The following EBF3 variants were observed in gnomAD, a reference collection of about 807,000 sequenced individuals.
EBF3 encodes EBF transcription factor 3.
EBF3 carries 18 observed loss-of-function variants against 77.1 expected under a neutral mutation model. The ratio of observed to expected loss-of-function variants is 0.23; its 90% CI spans 0.16 to 0.35. The LOEUF is 0.35. Among genes scored for constraint, EBF3 ranks in the 10% least tolerant of loss-of-function variants. The pLI is 1.00. For missense variants in EBF3, 558 were observed against 860.0 expected (o/e 0.65, Z 4.39); for synonymous variants, 350 against 343.5 (o/e 1.02, Z -0.21).
At chr10:129,948,170 A>C (rs553906572) in intron 6 of EBF3, among the ~76,000 whole-genome samples, 1 of 151,216 alleles carries the variant, frequency 6.6e-6, no homozygotes, top group Non-Finnish European at 1.5e-5. Flanking sequence ...AGGCAGAAGA[A>C]TCACTTGAAC....
chr10:129,848,916 C>A lies in EBF3; in HGVS notation c.1040-436G>T, dbSNP rs1384309174. ...ATCCCTGTGGTCCTTTTTTGTCTAG[C>A]ATATTGCCTGAGCACAAACCAGGCA... On this transcript the variant is annotated intron_variant, in intron 10 of 16. Coordinates refer to ENST00000440978, the MANE Select transcript of EBF3 (RefSeq NM_001375380.1). The surrounding 1 kb of genome is among the most constrained non-coding windows in gnomAD (Gnocchi z 4.4). 3.9e-5 allele frequency among the ~76,000 whole-genome samples: 6 copies of A among 152,178 alleles called. No individual in the cohort carries two copies. Among genetic ancestry groups the A allele is most frequent in the African/African-American group, 1.4e-4 (6 of 41,440 alleles).
chr10:129,861,523 G>C lies in EBF3; in HGVS notation c.1039+5618C>G, dbSNP rs367900863. 6.0e-5 allele frequency among the ~76,000 whole-genome samples: 9 copies of C among 150,926 alleles called. No homozygotes were observed. In the East Asian group the frequency reaches 9.9e-4, roughly 17 times the overall value. On this transcript the variant is annotated intron_variant, in intron 10 of 16. Coordinates refer to ENST00000440978, the MANE Select transcript of EBF3 (RefSeq NM_001375380.1). This position sits in a 1 kb window ranked among gnomAD's most constrained non-coding sequence, Gnocchi z 4.3. ...AGAACCAACCTGATAGAAAAGCAAA[G>C]GTGCCTGGAGGGTGTCTATTCTTGG...
intron 11 of EBF3, among the ~76,000 whole-genome samples, chr10:129,844,558 A>G (rs1850320114): frequency 6.6e-6 from 1 of 152,056 alleles, no homozygotes; most frequent in African/African-American, 2.4e-5. Context: ...CACTCGCCTC[A>G]TTGTTTCCCC....
Position 129,848,270 on chromosome 10 carries a change from G to A in EBF3, c.1128+122C>T. On this transcript the variant is annotated intron_variant, in intron 11 of 16. Transcript: ENST00000440978. The surrounding 1 kb of genome is among the most constrained non-coding windows in gnomAD (Gnocchi z 4.4). ...AGCTCCTCACACCTGTCGGCCCTGT[G>A]GTGGGCACAGAGTTTGGGGAATCTG... 1 of 1,045,786 alleles carries A rather than the reference G, an allele frequency of 9.6e-7. No homozygotes were observed. Among genetic ancestry groups the A allele is most frequent in the Admixed American group, 1.8e-5 (1 of 57,032 alleles). 64.8% of individuals were successfully genotyped at this position (1,045,786 alleles called of 1,614,324 possible).
rs1554892366 is a variant in EBF3 at position 129,841,041 on chromosome 10, A to AACC, written c.1373-10_1373-9insGGT. ...ATTGCGACTGTAGCCGACTGTTGAA[A>AACC]TCCCCCCCCCGGCCAAAAATAACAT... On this transcript the variant is annotated splice_polypyrimidine_tract_variant and intron_variant, in intron 13 of 16. Coordinates refer to ENST00000440978, the MANE Select transcript of EBF3 (RefSeq NM_001375380.1). This position sits in a 1 kb window ranked among gnomAD's most constrained non-coding sequence, Gnocchi z 4.6. The AACC allele has an allele frequency of 5.9e-5, 64 of 1,076,634 alleles. No individual in the cohort carries two copies. Among genetic ancestry groups the AACC allele is most frequent in the South Asian group, 2.3e-4 (14 of 62,170 alleles). The allele number at this position is 1,076,634 out of a possible 1,614,324, so 66.7% of individuals were successfully genotyped here.
chr10:129,852,463 TAG>T (rs1259194545), intron 10 of EBF3, among the ~76,000 whole-genome samples: 1 of 152,168 alleles, frequency 6.6e-6, no homozygotes, highest in African/African-American at 2.4e-5. Context: ...CTGCTGCAAT[TAG>T]AGACGTACCG....
At chr10:129,950,603 C>G (rs1174330115) in intron 6 of EBF3, among the ~76,000 whole-genome samples, 2 of 152,054 alleles carry the variant, frequency 1.3e-5, no homozygotes, top group East Asian at 1.9e-4. Flanking sequence ...CTGGTTACCC[C>G]AAAGTCTAAG....
intron 6 of EBF3, among the ~76,000 whole-genome samples, chr10:129,955,113 A>G (rs549230641): frequency 6.6e-6 from 1 of 152,324 alleles, no homozygotes; most frequent in Admixed American, 6.5e-5. Flanking sequence ...CCAATACTGC[A>G]ATCATTTCAC....
Position 129,963,544 on chromosome 10 carries a change from C to A in EBF3, c.135-21G>T, listed in dbSNP as rs1859697626. ...CGCCGCTGCGGGAGGAAAGAGACAGCGGCCCGGTGAGGAGCGCGGCGCCGG... is the reference window on the plus strand; with the variant it reads ...CGCCGCTGCGGGAGGAAAGAGACAGAGGCCCGGTGAGGAGCGCGGCGCCGG... On this transcript the variant is annotated intron_variant, in intron 1 of 16. Coordinates refer to ENST00000440978, the MANE Select transcript of EBF3 (RefSeq NM_001375380.1). The surrounding 1 kb of genome is among the most constrained non-coding windows in gnomAD (Gnocchi z 7.1). 1 of 1,485,360 alleles carries A rather than the reference C, an allele frequency of 6.7e-7. No individual in the cohort carries two copies. The highest frequency in any genetic ancestry group is 9.0e-7 in the Non-Finnish European group (1 of 1,111,568). The allele number at this position is 1,485,360 out of a possible 1,614,324, so 92.0% of individuals were successfully genotyped here.
rs1348071063 is a variant in EBF3, at chr10:129,963,220, G to C, written c.291+147C>G. 8.0e-7 allele frequency: 1 copy of C among 1,255,604 alleles called. No homozygotes were observed. The highest frequency in any genetic ancestry group is 3.0e-5 in the East Asian group (1 of 33,658). The allele number at this position is 1,255,604 out of a possible 1,614,324, so 77.8% of individuals were successfully genotyped here. Reference sequence around the variant, plus strand: ...CAGAGAAGTTGCCCAGCCCTCGGCGGTCCCGGGCGGCCGCACGTGGCGGCG... The same window carrying C: ...CAGAGAAGTTGCCCAGCCCTCGGCGCTCCCGGGCGGCCGCACGTGGCGGCG... On this transcript the variant is annotated intron_variant, in intron 2 of 16. Coordinates refer to ENST00000440978, the MANE Select transcript of EBF3 (RefSeq NM_001375380.1). This position sits in a 1 kb window ranked among gnomAD's most constrained non-coding sequence, Gnocchi z 7.1.
At chr10:129,960,759 C>T (rs1274219444) in intron 4 of EBF3, among the ~76,000 whole-genome samples, 1 of 152,028 alleles carries the variant, frequency 6.6e-6, no homozygotes, top group East Asian at 1.9e-4. Context: ...AAAACGAAGC[C>T]TCCTCCTCCT....
At chr10:129,896,901 G>A (rs901899353) in intron 6 of EBF3, among the ~76,000 whole-genome samples, 7 of 152,070 alleles carry the variant, frequency 4.6e-5, no homozygotes, top group South Asian at 4.2e-4. Flanking sequence ...GCCTGCCCAC[G>A]CCGCCACCCC....
At chr10:129,933,858 G>A (rs181642558) in intron 6 of EBF3, among the ~76,000 whole-genome samples, 2 of 152,170 alleles carry the variant, frequency 1.3e-5, no homozygotes, top group East Asian at 2.0e-4. Flanking sequence ...GCCTGGCCAC[G>A]CTGGGCGCCA....
At chr10:129,884,558 A>C (rs1477256355) in intron 6 of EBF3, among the ~76,000 whole-genome samples, 1 of 152,204 alleles carries the variant, frequency 6.6e-6, no homozygotes, top group African/African-American at 2.4e-5. Context: ...ATTTCAAGTT[A>C]TGGGTCTCAT....
rs762461061 is a variant in EBF3, at chr10:129,836,446, C to T, written c.*1497G>A. On this transcript the variant is annotated 3_prime_UTR_variant, in exon 17 of 17. Transcript: ENST00000440978. Reference sequence around the variant, plus strand: ...CCAAACGGTGTCACCTCTTCGCGGCCGCTCCACATGCACAGAATCTACTAG... The same window carrying T: ...CCAAACGGTGTCACCTCTTCGCGGCTGCTCCACATGCACAGAATCTACTAG... 10 of 152,508 alleles carry T rather than the reference C, an allele frequency of 6.6e-5. No individual in the cohort carries two copies. The highest frequency in any genetic ancestry group is 1.9e-4 in the East Asian group (1 of 5,198). The allele number at this position is 152,508 out of a possible 1,614,324, so 9.4% of individuals were successfully genotyped here.
intron 10 of EBF3, among the ~76,000 whole-genome samples, chr10:129,850,445 T>A (rs1850788707): frequency 6.6e-6 from 1 of 152,194 alleles, no homozygotes; most frequent in Admixed American, 6.5e-5. Flanking sequence ...CACCTCTCAG[T>A]TCAGCCCAAA....
At chr10:129,896,497 GCGGGGGCCGGCGTGGGC>G (rs1277144272) in intron 6 of EBF3, among the ~76,000 whole-genome samples, 6 of 152,228 alleles carry the variant, frequency 3.9e-5, no homozygotes, top group Non-Finnish European at 1.5e-5. Context: ...GCTGGACGGG[GCGGGGGCCGGCGTGGGC>G]CGGGTGTGGG....
chr10:129,949,959 T>C (rs2134561255), intron 6 of EBF3, among the ~76,000 whole-genome samples: 1 of 150,906 alleles, frequency 6.6e-6, no homozygotes, highest in Middle Eastern at 3.4e-3. Flanking sequence ...CCCCAACTGC[T>C]TTCTGCTGAG....
At chr10:129,896,682 T>C (rs1854414476) in intron 6 of EBF3, among the ~76,000 whole-genome samples, 1 of 152,216 alleles carries the variant, frequency 6.6e-6, no homozygotes, top group Non-Finnish European at 1.5e-5. Context: ...GCCTTTGTCT[T>C]CCCTGCTCCT....
Sources: gnomAD v4.1 joint callset for allele counts (sites outside exome capture counted in the v4.1 genomes callset) on GRCh38, gnomAD v4.1.1 for gene constraint, Gnocchi (gnomAD v3.1) non-coding constraint, MANE v1.5 for transcripts, NCBI Gene and HGNC (gene_info 2026-07-23, HGNC 2026-07-21) for gene names.